RRP12: variants seen among roughly 807,000 people sequenced by gnomAD.
The protein encoded by RRP12 is RRP12-like protein.
RRP12 carries 78 observed loss-of-function variants against 157.3 expected under a neutral mutation model. The ratio of observed to expected loss-of-function variants is 0.50; its 90% CI spans 0.41 to 0.60. RRP12 has a LOEUF of 0.60. Ranked by LOEUF, RRP12 falls within the 20% of genes least tolerant of loss-of-function variation. RRP12 has a pLI of 0.00. For missense variants in RRP12, 1,521 were observed against 1,679.9 expected (o/e 0.91, Z 1.65); for synonymous variants, 726 against 670.9 (o/e 1.08, Z -1.27).
At chr10:97,365,607 T>C (rs920237145) in intron 29 of RRP12, among the ~76,000 whole-genome samples, 1 of 151,514 alleles carries the variant, frequency 6.6e-6, no homozygotes, top group Non-Finnish European at 1.5e-5. Context: ...TGGCTGGATA[T>C]GTGGAGAGGG....
intron 18 of RRP12, 72 bp downstream of exon 18, chr10:97,372,974 G>A: frequency 6.6e-7 from 1 of 1,506,988 alleles, no homozygotes; most frequent in East Asian, 2.4e-5. Context: ...TGGTGGGTAG[G>A]GTCTCGGCCT....
At chr10:97,386,137 C>A in intron 8 of RRP12, 144 bp from the exon 9 acceptor site, 2 of 588,086 alleles carry the variant, frequency 3.4e-6, no homozygotes, top group South Asian at 4.3e-5. Flanking sequence ...TGAGGACTGC[C>A]ACCTTAGTAA....
Position 97,373,662 on chromosome 10 carries a change from G to T in RRP12, c.1939C>A (p.Leu647Met). ...GGACGCTCGCTGATGGCCATGCCCA[G>T]CGTCCGTGCCAGCCCTTTGAAGGAG... ...AISFKGLART[L>M]GMAISERPDL... The change falls in exon 17 of 34, where the codon CTG becomes ATG. Residue 647 changes from leucine (L) to methionine (M), a missense_variant. Coordinates refer to ENST00000370992, the MANE Select transcript of RRP12 (RefSeq NM_015179.4). The T allele has an allele frequency of 6.2e-7, 1 of 1,613,978 alleles. No individual in the cohort carries two copies. Among genetic ancestry groups the T allele is most frequent in the Non-Finnish European group, 8.5e-7 (1 of 1,179,940 alleles).
intron 31 of RRP12, among the ~76,000 whole-genome samples, chr10:97,360,180 C>T (rs561608700): frequency 6.6e-6 from 1 of 152,332 alleles, no homozygotes; most frequent in South Asian, 2.1e-4. Context: ...CAAGTGGCTT[C>T]TCTAAACCCA....
At chr10:97,382,452 A>G (rs1844497587) in intron 10 of RRP12, among the ~76,000 whole-genome samples, 1 of 152,206 alleles carries the variant, frequency 6.6e-6, no homozygotes, top group Non-Finnish European at 1.5e-5. Context: ...GCCTGGTAGC[A>G]TTTATGTAAC....
At position 97,373,581 on chromosome 10, in the gene RRP12, G is replaced by A. The variant is rs1243050009; in HGVS notation, c.2020C>T (p.Gln674Ter). 1 of 1,599,650 alleles carries A rather than the reference G, an allele frequency of 6.3e-7. No individual in the cohort carries two copies. Among genetic ancestry groups the A allele is most frequent in the South Asian group, 1.1e-5 (1 of 90,008 alleles). Residue 674 changes from glutamine to a stop codon, truncating the protein, a stop_gained, in exon 17 of 34, where the codon CAG becomes TAG. Coordinates refer to ENST00000370992, the MANE Select transcript of RRP12 (RefSeq NM_015179.4). LOFTEE classifies it high-confidence loss of function. ...ALRTLITKGC[Q>*]AEADRAEVSR... ...TCCCACAGCCCACACGTACCTGCCT[G>A]GCAGCCCTTGGTGATGAGGGTGCGC...
At position 97,390,817 on chromosome 10, in the gene RRP12, C is replaced by G; in HGVS notation, c.558G>C (p.Lys186Asn). The G allele has an allele frequency of 6.2e-7, 1 of 1,613,438 alleles. No homozygotes were observed. Among genetic ancestry groups the G allele is most frequent in the Non-Finnish European group, 8.5e-7 (1 of 1,179,378 alleles). Residue 186 changes from lysine (K) to asparagine (N), a missense_variant, in exon 5 of 34, where the codon AAG (lysine) becomes AAC (asparagine). Physicochemically the swap from Lys to Asn is moderately conservative, Grantham distance 94. Coordinates refer to ENST00000370992, the MANE Select transcript of RRP12 (RefSeq NM_015179.4). ...TGAAGGCTTTGGAGGTATCAGAGAA[C>G]TTCTTAATAAGCACAGGGCTGGGAA... ...KRVPSPVLIK[K>N]FSDTSKAFMD...
Position 97,379,715 on chromosome 10 carries a change from G to T in RRP12, c.1589C>A (p.Ala530Asp), listed in dbSNP as rs377577122. The T allele has an allele frequency of 2.5e-6, 4 of 1,614,004 alleles. No homozygotes were observed. The highest frequency in any genetic ancestry group is 1.7e-6 in the Non-Finnish European group (2 of 1,179,972). Residue 530 changes from alanine (A) to aspartate (D), a missense_variant, in exon 14 of 34, where the codon GCT becomes GAT. Ala to Asp is a moderately radical substitution (Grantham distance 126). Coordinates refer to ENST00000370992, the MANE Select transcript of RRP12 (RefSeq NM_015179.4). The stretch of plus-strand genomic sequence containing the variant: ...CGCAGCCCCCACTGCCTGGTCAAGA[G>T]CCGCCGTGTGGGGGAAATGAGGGGA... ...RLSPHFPHTA[A>D]LDQAVGAAVT...
At chr10:97,375,012 A>C (rs1033538433) in intron 15 of RRP12, among the ~76,000 whole-genome samples, 1 of 152,156 alleles carries the variant, frequency 6.6e-6, no homozygotes, top group African/African-American at 2.4e-5. Flanking sequence ...GGAGCGGCGG[A>C]GTTGGGATAT....
intron 4 of RRP12, among the ~76,000 whole-genome samples, chr10:97,391,688 G>A (rs1156722330): frequency 3.3e-5 from 5 of 152,192 alleles, no homozygotes; most frequent in African/African-American, 9.7e-5. Flanking sequence ...TTGGGAGGCC[G>A]AGGCGGGTGG....
At chr10:97,396,064 C>T (rs1339966194) in intron 3 of RRP12, among the ~76,000 whole-genome samples, 154 bp downstream of exon 3, 2 of 152,058 alleles carry the variant, frequency 1.3e-5, no homozygotes, top group African/African-American at 4.8e-5. Context: ...GCAAATACCA[C>T]CAGCCTTCCT....
At chr10:97,357,962 C>CAAA (rs1210048572) in intron 33 of RRP12, among the ~76,000 whole-genome samples, 64 of 77,772 alleles carry the variant, frequency 8.2e-4, no homozygotes, top group African/African-American at 2.8e-3. Flanking sequence ...GACTCCGTCT[C>CAAA]AAAAAAAAAA....
chr10:97,365,864 G>A (rs1843961178), intron 29 of RRP12: 3 of 530,580 alleles, frequency 5.7e-6, no homozygotes, highest in Non-Finnish European at 1.0e-5. Context: ...ATCACACACA[G>A]TAAGGGGAAG....
chr10:97,388,688 G>A (rs1158511166), intron 6 of RRP12, 64 bp from the exon 7 acceptor site: 11 of 1,585,850 alleles, frequency 6.9e-6, no homozygotes, highest in East Asian at 4.5e-5. Context: ...TTGGGTGTCC[G>A]GCACAAGCAC....
intron 29 of RRP12, among the ~76,000 whole-genome samples, chr10:97,365,288 T>TTC (rs1843943705): frequency 6.7e-6 from 1 of 150,334 alleles, no homozygotes. Context: ...TTTTTTTTTT[T>TTC]TTTGAGACAG....
At chr10:97,388,095 T>A in intron 8 of RRP12, 157 bp downstream of exon 8, 2 of 905,610 alleles carry the variant, frequency 2.2e-6, no homozygotes, top group Non-Finnish European at 3.3e-6. Context: ...TGGCCTGGCC[T>A]AGCCAAACAC....
At chr10:97,357,706 C>T in intron 33 of RRP12, among the ~76,000 whole-genome samples, 1 of 152,114 alleles carries the variant, frequency 6.6e-6, no homozygotes, top group African/African-American at 2.4e-5. Flanking sequence ...TGCCTGTAAT[C>T]CCAGCACTTT....
At chr10:97,390,969 A>G in intron 4 of RRP12, 125 bp from the exon 5 acceptor site, 1 of 701,120 alleles carries the variant, frequency 1.4e-6, no homozygotes. Context: ...AAAGTGAGCA[A>G]CAAAGTCAGA....
At chr10:97,399,375 A>G (rs914929600) in intron 2 of RRP12, among the ~76,000 whole-genome samples, 25 of 152,302 alleles carry the variant, frequency 1.6e-4, no homozygotes, top group African/African-American at 6.0e-4. Context: ...AATTTAGATT[A>G]CTATTGGACA....
Sources: allele counts gnomAD v4.1 joint callset (sites outside exome capture counted in the v4.1 genomes callset), GRCh38; gene constraint gnomAD v4.1.1; transcripts MANE v1.5; gene names NCBI Gene and HGNC (gene_info 2026-07-23, HGNC 2026-07-21).